Variants in RMI1 observed in about 807,000 individuals in gnomAD.
The protein encoded by RMI1 is RecQ mediated genome instability 1, also known as recQ-mediated genome instability protein 1.
RMI1 carries 36 observed loss-of-function variants against 46.7 expected under a neutral mutation model. The ratio of observed to expected loss-of-function variants is 0.77; its 90% CI spans 0.59 to 1.02. The LOEUF is 1.02. RMI1 is among the 50% of genes least tolerant of loss of function. RMI1 has a pLI of 0.00. For missense variants in RMI1, 676 were observed against 713.7 expected, an observed-to-expected ratio of 0.95 and a Z score of 0.60; for synonymous variants, 250 against 252.9, an observed-to-expected ratio of 0.99 and a Z score of 0.11.
chr9:83,991,106 C>G (rs562957726), intron 1 of RMI1, among the ~76,000 whole-genome samples: 2 of 152,076 alleles, frequency 1.3e-5, no homozygotes, highest in Non-Finnish European at 2.9e-5. Flanking sequence ...TGCGCCTGGA[C>G]GATATTTGTT....
Position 84,000,981 on chromosome 9 carries a change from A to G in RMI1, c.-6A>G. ...AGATGCATATTATTTCTTTTATTTA[A>G]AAGAAATGAATGTGACTAGTATTGC... On this transcript the variant is annotated 5_prime_UTR_variant, in exon 3 of 3. An upstream open reading frame in the 5' UTR loses its in-frame stop. Coordinates refer to ENST00000445877, the MANE Select transcript of RMI1 (RefSeq NM_001358291.2). 6.4e-7 allele frequency: 1 copy of G among 1,560,858 alleles called. No individual in the cohort carries two copies. The highest frequency in any genetic ancestry group is 8.6e-7 in the Non-Finnish European group (1 of 1,157,660).
At chr9:83,996,916 A>T (rs1433489866) in intron 1 of RMI1, among the ~76,000 whole-genome samples, 1 of 152,014 alleles carries the variant, frequency 6.6e-6, no homozygotes, top group Non-Finnish European at 1.5e-5. Context: ...TAAACAAAGC[A>T]TACATTAATT....
Position 84,002,598 on chromosome 9 carries a change from A to G in RMI1, c.1612A>G (p.Thr538Ala). 1 of 1,613,982 alleles carries G rather than the reference A, an allele frequency of 6.2e-7. No homozygotes were observed. Among genetic ancestry groups the G allele is most frequent in the Non-Finnish European group, 8.5e-7 (1 of 1,179,908 alleles). ...WSITAKVSDG[T>A]AYLDVDFVDE... ...TATAACTGCAAAGGTGTCTGATGGT[A>G]CTGCATATCTAGATGTAGACTTTGT... The change falls in exon 3 of 3, where the codon ACT (threonine) becomes GCT (alanine). Residue 538 changes from threonine (T) to alanine (A), a missense_variant. Thr to Ala is a moderately conservative substitution (Grantham distance 58). Transcript: ENST00000445877.
intron 1 of RMI1, among the ~76,000 whole-genome samples, chr9:83,984,558 C>A (rs1051940493): frequency 6.6e-6 from 1 of 150,986 alleles, no homozygotes; most frequent in Non-Finnish European, 1.5e-5. Flanking sequence ...CAGTTTTGAA[C>A]ATCTTTTTTT....
chr9:83,995,512 C>A (rs960475581), intron 1 of RMI1, among the ~76,000 whole-genome samples: 3 of 151,526 alleles, frequency 2.0e-5, no homozygotes, highest in Admixed American at 6.6e-5. Flanking sequence ...ACTGCAACCT[C>A]CGCCTCCCGG....
At chr9:83,989,722 G>A (rs968759592) in intron 1 of RMI1, among the ~76,000 whole-genome samples, 8 of 151,630 alleles carry the variant, frequency 5.3e-5, no homozygotes, top group Non-Finnish European at 1.0e-4. Flanking sequence ...AAGAGAAAGG[G>A]GAATGGTAGG....
intron 1 of RMI1, among the ~76,000 whole-genome samples, chr9:83,983,214 T>C (rs1957444975): frequency 6.6e-6 from 1 of 152,248 alleles, no homozygotes; most frequent in Non-Finnish European, 1.5e-5. Context: ...TTGTTAGTTA[T>C]CTTTGTTTTG....
At chr9:83,994,390 C>G (rs1267243467) in intron 1 of RMI1, among the ~76,000 whole-genome samples, 1 of 152,136 alleles carries the variant, frequency 6.6e-6, no homozygotes, top group African/African-American at 2.4e-5. Context: ...TGTCATGAAG[C>G]TTTTTCCCTA....
rs200956667 is a variant in RMI1, at chr9:84,001,528, T to C, written c.542T>C (p.Leu181Ser). ...ATATCTTTCCGTCTTGGTGTTCTCT[T>C]ATTGAAACCAGAAAACGTGAAAGTG... ...GNISFRLGVL[L>S]LKPENVKVLG... Residue 181 changes from leucine (L) to serine (S), a missense_variant, in exon 3 of 3, where the codon TTA (leucine) becomes TCA (serine). Physicochemically the swap from Leu to Ser is moderately radical, Grantham distance 145. Transcript: ENST00000445877. 5.5e-4 allele frequency: 886 copies of C among 1,613,684 alleles called. 1 individual carries two copies. The highest frequency in any genetic ancestry group is 6.3e-4 in the Non-Finnish European group (743 of 1,179,966).
intron 1 of RMI1, among the ~76,000 whole-genome samples, chr9:83,986,454 A>G (rs1957491878): frequency 2.0e-5 from 3 of 152,338 alleles, no homozygotes; most frequent in Admixed American, 1.3e-4. Flanking sequence ...TTAAGTTGAC[A>G]GAAAAAGGTA....
At chr9:84,000,041 T>C (rs1216592193) in intron 2 of RMI1, among the ~76,000 whole-genome samples, 1 of 152,216 alleles carries the variant, frequency 6.6e-6, no homozygotes, top group Non-Finnish European at 1.5e-5. Flanking sequence ...GAGTCTGCTG[T>C]TATTTGTTAT....
At position 83,980,836 on chromosome 9, in the gene RMI1, T is replaced by A. The variant is rs1474098626; in HGVS notation, c.-181T>A. Reference sequence around the variant, plus strand: ...GAGCGCGCCGCGGCGGTTCCTGTCCTTACAGTTGCGCTGCCCAGGGACCGA... The same window carrying A: ...GAGCGCGCCGCGGCGGTTCCTGTCCATACAGTTGCGCTGCCCAGGGACCGA... On this transcript the variant is annotated 5_prime_UTR_variant, in exon 1 of 3. Transcript: ENST00000445877. 6.6e-6 allele frequency: 1 copy of A among 152,332 alleles called. No individual in the cohort carries two copies. The highest frequency in any genetic ancestry group is 1.5e-5 in the Non-Finnish European group (1 of 68,122). The allele number at this position is 152,332 out of a possible 1,614,324, so 9.4% of individuals were successfully genotyped here.
chr9:83,995,879 T>G (rs1041622447), intron 1 of RMI1, among the ~76,000 whole-genome samples: 2 of 152,244 alleles, frequency 1.3e-5, no homozygotes, highest in African/African-American at 2.4e-5. Context: ...GTAGATTCTT[T>G]TTATAAATGC....
At chr9:83,993,094 C>A (rs1184569592) in intron 1 of RMI1, 9 of 152,052 alleles carry the variant, frequency 5.9e-5, no homozygotes, top group Admixed American at 5.9e-4. Flanking sequence ...TACTTATGTG[C>A]ATATTGTTGT....
In RMI1 at chr9:83,988,509, G is replaced by T. The variant is rs192165808; in HGVS notation, c.-126+7618G>T. ...GGTAGAGACAGAGTTTTGCTGTGTTGCTCAGGCAGGTATTGAACTCTCAGG... is the reference window on the plus strand; with the variant it reads ...GGTAGAGACAGAGTTTTGCTGTGTTTCTCAGGCAGGTATTGAACTCTCAGG... On this transcript the variant is annotated intron_variant, in intron 1 of 2. Coordinates refer to ENST00000445877, the MANE Select transcript of RMI1 (RefSeq NM_001358291.2). Among the ~76,000 whole-genome samples, 200 of 152,170 alleles carry T rather than the reference G, an allele frequency of 1.3e-3. 1 individual carries two copies. Among genetic ancestry groups the T allele is most frequent in the Admixed American group, 2.0e-3 (30 of 15,278 alleles).
chr9:84,002,005 C>G lies in RMI1; in HGVS notation c.1019C>G (p.Thr340Ser). 14 of 1,613,954 alleles carry G rather than the reference C, an allele frequency of 8.7e-6. No individual in the cohort carries two copies. The highest frequency in any genetic ancestry group is 1.2e-5 in the Non-Finnish European group (14 of 1,179,912). The change falls in exon 3 of 3, where the codon ACT becomes AGT. Residue 340 changes from threonine (T) to serine (S), a missense_variant. Thr to Ser is a moderately conservative substitution (Grantham distance 58, BLOSUM62 1). Transcript: ENST00000445877. ...QMETKELQPL[T>S]FNRNADRSIE... ...GAAACTAAGGAATTGCAACCATTGA[C>G]TTTTAACAGAAATGCCGATCGAAGT...
chr9:83,988,772 T>C (rs1770063556), intron 1 of RMI1, among the ~76,000 whole-genome samples: 1 of 152,232 alleles, frequency 6.6e-6, no homozygotes, highest in South Asian at 2.1e-4. Flanking sequence ...CCCTGATGTC[T>C]AATAATATTG....
chr9:83,984,375 T>C (rs551472622), intron 1 of RMI1, among the ~76,000 whole-genome samples: 7 of 151,568 alleles, frequency 4.6e-5, no homozygotes, highest in African/African-American at 1.7e-4. Flanking sequence ...GTTCAAACGA[T>C]TCTCCTGCCT....
chr9:84,000,237 C>T (rs1249057120), intron 2 of RMI1, among the ~76,000 whole-genome samples: 1 of 152,112 alleles, frequency 6.6e-6, no homozygotes, highest in African/African-American at 2.4e-5. Context: ...AGTAGTCTCC[C>T]TTTCTCCGTG....
Sources: allele counts gnomAD v4.1 joint callset (sites outside exome capture counted in the v4.1 genomes callset), GRCh38; gene constraint gnomAD v4.1.1; transcripts MANE v1.5; gene names NCBI Gene and HGNC (gene_info 2026-07-23, HGNC 2026-07-21).